The following TSEN2 variants were observed in gnomAD, a reference collection of about 807,000 sequenced individuals.
The protein encoded by TSEN2 is tRNA splicing endonuclease subunit 2, also known as tRNA-splicing endonuclease subunit Sen2.
A neutral mutation model predicts 59.2 loss-of-function variants in TSEN2; 54 were observed. That is an observed-to-expected ratio of 0.91 (90% CI 0.73 to 1.14). TSEN2 has a LOEUF of 1.14. TSEN2 is among the 50% of genes most tolerant of loss of function. The probability of loss-of-function intolerance (pLI) is 0.00; values close to 1 mark genes in which losing one functional copy is unlikely to be tolerated. For synonymous variants in TSEN2, 195 were observed against 198.2 expected (o/e 0.98, Z 0.14); for missense variants, 636 against 576.2 (o/e 1.10, Z -1.06).
chr3:12,519,217 G>T lies in TSEN2; in HGVS notation c.1099+20G>T. The T allele has an allele frequency of 1.9e-6, 3 of 1,614,066 alleles. No individual in the cohort carries two copies. The highest frequency in any genetic ancestry group is 2.2e-5 in the South Asian group (2 of 91,076). Reference sequence around the variant, plus strand: ...ATTTACGTAAGTAATTCTTGGCGTGGTGTGTGTGAGAATAGAGTTTATATC... The same window carrying T: ...ATTTACGTAAGTAATTCTTGGCGTGTTGTGTGTGAGAATAGAGTTTATATC... On this transcript the variant is annotated intron_variant, in intron 8 of 11. Coordinates refer to ENST00000284995, the MANE Select transcript of TSEN2 (RefSeq NM_025265.4).
chr3:12,534,657 A>G (rs1202538836), downstream of TSEN2, among the ~76,000 whole-genome samples: 2 of 151,966 alleles, frequency 1.3e-5, no homozygotes, highest in Non-Finnish European at 2.9e-5. Flanking sequence ...CAAAAAAACT[A>G]GCTCAGGCGT....
intron 11 of TSEN2, 101 bp from the exon 12 acceptor site, chr3:12,532,561 T>C (rs1327212262): frequency 8.8e-7 from 1 of 1,135,004 alleles, no homozygotes; most frequent in Admixed American, 1.8e-5. Flanking sequence ...CATCATTATA[T>C]AGACCGCCCT....
At chr3:12,491,654 G>T (rs114014124) in intron 2 of TSEN2, among the ~76,000 whole-genome samples, 1 of 152,276 alleles carries the variant, frequency 6.6e-6, no homozygotes, top group East Asian at 1.9e-4. Flanking sequence ...AAGGTGTTAC[G>T]CTAAGAACAT....
chr3:12,517,357 CAAAA>C (rs10663207), intron 7 of TSEN2, among the ~76,000 whole-genome samples: 6 of 81,502 alleles, frequency 7.4e-5, no homozygotes, highest in African/African-American at 3.8e-4. Flanking sequence ...GACTCTGTCT[CAAAA>C]AAAAAAAAAA....
At position 12,519,112 on chromosome 3, in the gene TSEN2, G is replaced by A. The variant is rs906133191; in HGVS notation, c.1014G>A (p.Thr338=). The part of the protein sequence containing the change: ...LWKAFTVVQP[T]FRTTYMAYHY... Reference sequence around the variant, plus strand: ...AAGCTTTCACTGTAGTTCAGCCCACGTTCAGAACCACCTACATGGCCTACC... The same window carrying A: ...AAGCTTTCACTGTAGTTCAGCCCACATTCAGAACCACCTACATGGCCTACC... The change falls in exon 8 of 12, where the codon ACG becomes ACA. Residue 338 remains threonine (T), a synonymous_variant. Coordinates refer to ENST00000284995, the MANE Select transcript of TSEN2 (RefSeq NM_025265.4). 22 of 1,614,110 alleles carry A rather than the reference G, an allele frequency of 1.4e-5. No individual in the cohort carries two copies. The highest frequency in any genetic ancestry group is 1.7e-5 in the Non-Finnish European group (20 of 1,180,052).
At chr3:12,538,448 C>T (rs895659045), downstream of TSEN2, among the ~76,000 whole-genome samples, 2 of 151,752 alleles carry the variant, frequency 1.3e-5, no homozygotes, top group African/African-American at 4.8e-5. Flanking sequence ...AACTAACGCT[C>T]AGTTGGCCAT....
At chr3:12,491,871 A>G (rs2053247237) in intron 2 of TSEN2, among the ~76,000 whole-genome samples, 1 of 152,246 alleles carries the variant, frequency 6.6e-6, no homozygotes, top group South Asian at 2.1e-4. Flanking sequence ...TAAACAATAT[A>G]ACAACTATTT....
intron 10 of TSEN2, chr3:12,530,081 TC>T: frequency 7.0e-7 from 1 of 1,423,124 alleles, no homozygotes; most frequent in South Asian, 1.6e-5. Flanking sequence ...TATTGTCCCC[TC>T]CCTCCCAACT....
chr3:12,525,970 T>C (rs762907181), intron 8 of TSEN2, among the ~76,000 whole-genome samples: 1 of 152,218 alleles, frequency 6.6e-6, no homozygotes, highest in African/African-American at 2.4e-5. Context: ...AGCTCCGTTA[T>C]AATCTTATGG....
chr3:12,525,022 A>T (rs1299729173), intron 8 of TSEN2, among the ~76,000 whole-genome samples: 1 of 152,152 alleles, frequency 6.6e-6, no homozygotes, highest in East Asian at 1.9e-4. Context: ...GGGATTACAG[A>T]CATGAGCCAC....
At position 12,489,777 on chromosome 3, in the gene TSEN2, T is replaced by C. The variant is rs866539795; in HGVS notation, c.-17-7T>C. On this transcript the variant is annotated splice_region_variant and splice_polypyrimidine_tract_variant and intron_variant, in intron 1 of 11. Coordinates refer to ENST00000284995, the MANE Select transcript of TSEN2 (RefSeq NM_025265.4). ...GTTTCTTTCTGTTTGTTGTCTACTC[T>C]TTAAAGAATACCTCCTCTGAAAAAT... The C allele has an allele frequency of 8.7e-6, 14 of 1,609,636 alleles. 1 individual carries two copies. In the African/African-American group the frequency reaches 1.2e-4, roughly 14 times the overall value.
chr3:12,531,601 C>G lies in TSEN2; in HGVS notation c.1280C>G (p.Ser427Cys), dbSNP rs1223598213. Residue 427 changes from serine to cysteine, a missense_variant, in exon 11 of 12, where the codon TCT becomes TGT. Coordinates refer to ENST00000284995, the MANE Select transcript of TSEN2 (RefSeq NM_025265.4). Reference protein sequence around the residue: ...ELMLCYLIKPSTMTDKEMESP... With the variant: ...ELMLCYLIKPCTMTDKEMESP... ...ATGCTGTGCTATTTGATTAAACCCT[C>G]TACTATGACTGACAAGGAAATGGAG... 1.2e-6 allele frequency: 2 copies of G among 1,612,770 alleles called. No homozygotes were observed. Among genetic ancestry groups the G allele is most frequent in the East Asian group, 2.2e-5 (1 of 44,882 alleles).
Position 12,486,370 on chromosome 3 carries a change from C to G in TSEN2, c.-18+1490C>G, listed in dbSNP as rs926506478. 5.3e-5 allele frequency among the ~76,000 whole-genome samples: 8 copies of G among 152,312 alleles called. 1 individual carries two copies. In the East Asian group the frequency reaches 9.6e-4, roughly 18 times the overall value. ...TCGAGTTCAGCACAGGAGGACTCTT[C>G]CATGAAACTAGAGATCATCTGATTT... On this transcript the variant is annotated intron_variant, in intron 1 of 11. Coordinates refer to ENST00000284995, the MANE Select transcript of TSEN2 (RefSeq NM_025265.4).
At chr3:12,529,949 A>G (rs780093653) in intron 10 of TSEN2, 76 bp downstream of exon 10, 57 of 1,566,654 alleles carry the variant, frequency 3.6e-5, no homozygotes, top group Non-Finnish European at 3.6e-5. Context: ...AATGTAGTAG[A>G]ATCAAAAAAG....
At chr3:12,520,588 GAGACC>G (rs2056558163) in intron 8 of TSEN2, among the ~76,000 whole-genome samples, 1 of 152,190 alleles carries the variant, frequency 6.6e-6, no homozygotes, top group Non-Finnish European at 1.5e-5. Context: ...TCAGGAGTTT[GAGACC>G]AGCCTGACCA....
chr3:12,511,763 C>G (rs1239640236), intron 6 of TSEN2, among the ~76,000 whole-genome samples: 1 of 152,062 alleles, frequency 6.6e-6, no homozygotes, highest in Non-Finnish European at 1.5e-5. Flanking sequence ...GATGGGGTTT[C>G]TCCATGTTGT....
At chr3:12,480,529 T>G (rs71306009), upstream of TSEN2, among the ~76,000 whole-genome samples, 88 of 51,336 alleles carry the variant, frequency 1.7e-3, 1 homozygote, top group African/African-American at 5.4e-3. Flanking sequence ...TGTTTCTTTG[T>G]TTTTTTTTTT....
At chr3:12,506,696 T>C in intron 6 of TSEN2, 1 of 985,348 alleles carries the variant, frequency 1.0e-6, no homozygotes. Context: ...CTTTTCTTGC[T>C]TATGTTGATA....
rs6806389 is a variant in TSEN2 at position 12,506,037 on chromosome 3, G to A, written c.909+806G>A. ...CTGGTGATGCCGGGGGTAGGGGGGT[G>A]GAAAGAAGAAAAAAGTGGATTTCGG... On this transcript the variant is annotated intron_variant, in intron 6 of 11. Coordinates refer to ENST00000284995, the MANE Select transcript of TSEN2 (RefSeq NM_025265.4). 1.7e-3 allele frequency among the ~76,000 whole-genome samples: 256 copies of A among 152,184 alleles called. 1 individual carries two copies. The highest frequency in any genetic ancestry group is 1.9e-3 in the Non-Finnish European group (131 of 67,988).
Sources: gnomAD v4.1 joint callset for allele counts (sites outside exome capture counted in the v4.1 genomes callset) on GRCh38, gnomAD v4.1.1 for gene constraint, MANE v1.5 for transcripts, NCBI Gene and HGNC (gene_info 2026-07-23, HGNC 2026-07-21) for gene names.